The following ZNF143 variants were observed in gnomAD, a reference collection of about 807,000 sequenced individuals.
The protein encoded by ZNF143 is zinc finger protein 143, also known as SPH-binding factor.
ZNF143 carries 49 observed loss-of-function variants against 74.1 expected under a neutral mutation model. The observed-to-expected ratio is 0.66, with a 90% CI of 0.53 to 0.84. The LOEUF (loss-of-function observed/expected upper bound fraction) is 0.84. ZNF143 is among the 40% of genes least tolerant of loss of function. The pLI, the probability that ZNF143 is intolerant of heterozygous loss-of-function variation, is 0.00. For synonymous variants in ZNF143, 304 were observed against 282.8 expected (o/e 1.07, Z -0.75); for missense variants, 637 against 793.4 (o/e 0.80, Z 2.37).
chr11:9,513,253 G>A (rs920591194), intron 13 of ZNF143, among the ~76,000 whole-genome samples: 4 of 152,090 alleles, frequency 2.6e-5, no homozygotes, highest in East Asian at 1.9e-4. Flanking sequence ...CATGGAGAAC[G>A]CTCTCCTTAC....
At chr11:9,481,235 A>C (rs970940579) in intron 7 of ZNF143, among the ~76,000 whole-genome samples, 6 of 152,110 alleles carry the variant, frequency 3.9e-5, no homozygotes, top group Admixed American at 3.9e-4. Context: ...AAAAAATTAC[A>C]AAATTAGCAA....
At chr11:9,504,575 A>G (rs1440779975) in intron 11 of ZNF143, among the ~76,000 whole-genome samples, 6 of 126,398 alleles carry the variant, frequency 4.7e-5, no homozygotes, top group African/African-American at 1.5e-4. Flanking sequence ...CAGGATATGC[A>G]TTAGTTTTAT....
At position 9,471,381 on chromosome 11, in the gene ZNF143, C is replaced by T; in HGVS notation, c.73C>T (p.His25Tyr). The change falls in exon 2 of 16, where the codon CAT becomes TAT. Residue 25 changes from histidine to tyrosine, a missense_variant. His to Tyr is a moderately conservative substitution (Grantham distance 83). Transcript: ENST00000396602. Reference protein sequence around the residue: ...EFPGGGMEAQHVTLCLTEAVT... With the variant: ...EFPGGGMEAQYVTLCLTEAVT... ...TCCTGGAGGAGGGATGGAGGCGCAA[C>T]ATGTTACGCTGTGCTTGACAGAGGC... The T allele has an allele frequency of 6.2e-7, 1 of 1,612,606 alleles. No homozygotes were observed. The highest frequency in any genetic ancestry group is 1.1e-5 in the South Asian group (1 of 90,688).
chr11:9,492,319 C>T (rs532021522), intron 7 of ZNF143, among the ~76,000 whole-genome samples: 1 of 152,102 alleles, frequency 6.6e-6, no homozygotes, highest in South Asian at 2.1e-4. Context: ...GCTGTGTTGG[C>T]AAGACGGGTC....
At chr11:9,501,484 TAG>T (rs914277381) in intron 11 of ZNF143, among the ~76,000 whole-genome samples, 5 of 152,090 alleles carry the variant, frequency 3.3e-5, no homozygotes, top group African/African-American at 1.2e-4. Flanking sequence ...GCATCAAACA[TAG>T]AGAGATAAGA....
chr11:9,470,462 A>G (rs554124352), intron 1 of ZNF143, among the ~76,000 whole-genome samples: 52 of 152,166 alleles, frequency 3.4e-4, no homozygotes, highest in Non-Finnish European at 2.9e-4. Context: ...TGGGATGGAC[A>G]GGGAAGCTCT....
rs904179477 is a variant in ZNF143, at chr11:9,516,166, A to G, written c.1525-35A>G. On this transcript the variant is annotated intron_variant, in intron 13 of 15. Transcript: ENST00000396602. ...GGAAGATTGTCAGCTATAACAAGAA[A>G]CATTGACTGCTTTGTAAAATTCACT... 4.4e-6 allele frequency: 7 copies of G among 1,608,264 alleles called. No individual in the cohort carries two copies. The African/African-American group carries it at 8.0e-5, about 18-fold the overall frequency.
At chr11:9,492,685 C>G (rs1330094953) in intron 7 of ZNF143, among the ~76,000 whole-genome samples, 1 of 152,098 alleles carries the variant, frequency 6.6e-6, no homozygotes, top group African/African-American at 2.4e-5. Context: ...TCTTGTAATT[C>G]TGTTCATATA....
intron 13 of ZNF143, among the ~76,000 whole-genome samples, 179 bp from the exon 14 acceptor site, chr11:9,516,022 G>T (rs951289701): frequency 3.3e-5 from 5 of 152,080 alleles, no homozygotes; most frequent in Non-Finnish European, 5.9e-5. Context: ...AAAAATATAA[G>T]AATTGTTAAA....
At chr11:9,503,083 G>A (rs547820806) in intron 11 of ZNF143, among the ~76,000 whole-genome samples, 1 of 152,114 alleles carries the variant, frequency 6.6e-6, no homozygotes, top group African/African-American at 2.4e-5. Context: ...CACCTGCCTC[G>A]ACCTCCCAAA....
At chr11:9,481,990 A>AC (rs1373449827) in intron 7 of ZNF143, among the ~76,000 whole-genome samples, 1 of 69,096 alleles carries the variant, frequency 1.4e-5, no homozygotes. Context: ...TTTTTTTTTG[A>AC]GGTGGAGTCT....
rs762090908 is a variant in ZNF143, at chr11:9,516,285, G to A, written c.1609G>A (p.Ala537Thr). 9.9e-6 allele frequency: 16 copies of A among 1,614,010 alleles called. No homozygotes were observed. Among genetic ancestry groups the A allele is most frequent in the South Asian group, 4.4e-5 (4 of 91,072 alleles). The change falls in exon 14 of 16, where the codon GCC becomes ACC. Residue 537 changes from alanine to threonine, a missense_variant. Around this residue, in one of 2 missense-constraint regions of ZNF143, gnomAD observed 344 missense variants for 485.6 expected, o/e 0.71. Transcript: ENST00000396602. ...GGATGGCACGCCCATCACAGTCCCC[G>A]CCCATGATGCAGTCATCTCCTCAGC... ...TQDGTPITVP[A>T]HDAVISSAGT... is the part of the protein sequence containing the mutation.
At chr11:9,502,076 A>C (rs1361308116) in intron 11 of ZNF143, among the ~76,000 whole-genome samples, 1 of 149,106 alleles carries the variant, frequency 6.7e-6, no homozygotes, top group African/African-American at 2.5e-5. Context: ...AACTGGGATT[A>C]CAGGCATGTG....
At chr11:9,507,704 C>T (rs969962792) in intron 11 of ZNF143, among the ~76,000 whole-genome samples, 5 of 152,166 alleles carry the variant, frequency 3.3e-5, no homozygotes, top group African/African-American at 1.2e-4. Flanking sequence ...CCCTACACCA[C>T]CACATGTTAG....
intron 7 of ZNF143, among the ~76,000 whole-genome samples, chr11:9,491,228 A>C (rs2134020284): frequency 6.6e-6 from 1 of 152,090 alleles, no homozygotes; most frequent in African/African-American, 2.4e-5. Flanking sequence ...TCTTAAAATG[A>C]AACAAGAAAA....
At chr11:9,483,851 C>T (rs1590546251) in intron 7 of ZNF143, among the ~76,000 whole-genome samples, 1 of 149,050 alleles carries the variant, frequency 6.7e-6, no homozygotes, top group Non-Finnish European at 1.5e-5. Context: ...CTGGGTTCAG[C>T]GGATTCTCCT....
chr11:9,521,352 G>A (rs1459152836), intron 14 of ZNF143, among the ~76,000 whole-genome samples: 17 of 152,090 alleles, frequency 1.1e-4, no homozygotes. Context: ...GAACCATATT[G>A]ATCTATAATT....
In ZNF143 at chr11:9,527,511, G is replaced by T. The variant is rs754150152; in HGVS notation, c.1834-19G>T. The T allele has an allele frequency of 5.9e-5, 95 of 1,611,594 alleles. No individual in the cohort carries two copies. Among genetic ancestry groups the T allele is most frequent in the Non-Finnish European group, 7.7e-5 (91 of 1,177,982 alleles). On this transcript the variant is annotated intron_variant, in intron 15 of 15. Coordinates refer to ENST00000396602, the MANE Select transcript of ZNF143 (RefSeq NM_003442.6). ...GGCTTTTGAATTGTTAGCGTTTGAT[G>T]TGTGTGTTCCTGTTTCAGCTTGGAG...
chr11:9,528,184 C>G lies in ZNF143; in HGVS notation c.*571C>G, dbSNP rs1256288602. On this transcript the variant is annotated 3_prime_UTR_variant, in exon 16 of 16. Transcript: ENST00000396602. ...TTCCCATCCCTGTTAAAAACCAGCT[C>G]TTCAAGCTGAAATGCTAATTATATT... 6.6e-6 allele frequency: 1 copy of G among 152,522 alleles called. No individual in the cohort carries two copies. Among genetic ancestry groups the G allele is most frequent in the East Asian group, 1.9e-4 (1 of 5,200 alleles). 9.4% of individuals were successfully genotyped at this position (152,522 alleles called of 1,614,324 possible). A position where few individuals can be genotyped will look rare whatever the true frequency, so the allele number is the denominator to read the frequency against.
Sources: gnomAD v4.1 joint callset for allele counts (sites outside exome capture counted in the v4.1 genomes callset) on GRCh38, gnomAD v4.1.1 for gene constraint, gnomAD v4.1.1 regional missense constraint, MANE v1.5 for transcripts, NCBI Gene and HGNC (gene_info 2026-07-23, HGNC 2026-07-21) for gene names.